Variants in MRPL48 observed in about 807,000 individuals in gnomAD.
MRPL48 encodes large ribosomal subunit protein mL48.
MRPL48 carries 16 observed loss-of-function variants against 32.9 expected under a neutral mutation model. That is an observed-to-expected ratio of 0.49 (90% confidence interval 0.33 to 0.74). The LOEUF is 0.74. Ranked by LOEUF, MRPL48 falls within the 30% of genes least tolerant of loss-of-function variation. The pLI is 0.02. For synonymous variants in MRPL48, 94 were observed against 89.2 expected (o/e 1.05, Z -0.31); for missense variants, 206 against 245.3 (o/e 0.84, Z 1.07).
At chr11:73,855,923 C>T (rs969556060) in intron 5 of MRPL48, among the ~76,000 whole-genome samples, 11 of 152,218 alleles carry the variant, frequency 7.2e-5, no homozygotes, top group African/African-American at 2.7e-4. Context: ...TCATAACATG[C>T]ACTTCTTGCT....
chr11:73,833,861 GATTA>G (rs1368610875), intron 4 of MRPL48, among the ~76,000 whole-genome samples: 6 of 151,864 alleles, frequency 4.0e-5, no homozygotes, highest in Non-Finnish European at 7.4e-5. Context: ...TTTTTAAATT[GATTA>G]ATTAATTTTT....
intron 4 of MRPL48, among the ~76,000 whole-genome samples, chr11:73,836,512 A>C (rs533233367): frequency 6.6e-5 from 10 of 152,234 alleles, no homozygotes; most frequent in African/African-American, 1.9e-4. Context: ...AATGCCACTT[A>C]TTATTATATA....
At chr11:73,805,337 C>T (rs564699490) in intron 2 of MRPL48, among the ~76,000 whole-genome samples, 1 of 151,120 alleles carries the variant, frequency 6.6e-6, no homozygotes, top group South Asian at 2.1e-4. Context: ...CACTCTGTCA[C>T]CCAGGCTGGA....
intron 2 of MRPL48, among the ~76,000 whole-genome samples, chr11:73,806,543 T>G (rs1191049187): frequency 6.6e-6 from 1 of 152,188 alleles, no homozygotes; most frequent in African/African-American, 2.4e-5. Context: ...ACCATCTGAC[T>G]CATTTTTTAT....
intron 4 of MRPL48, among the ~76,000 whole-genome samples, chr11:73,843,573 C>T (rs983343773): frequency 7.2e-5 from 11 of 152,102 alleles, no homozygotes; most frequent in Non-Finnish European, 1.2e-4. Flanking sequence ...TGTAGTGAAG[C>T]AATATTTTGT....
intron 1 of MRPL48, among the ~76,000 whole-genome samples, chr11:73,800,357 TTC>T (rs1027695396): frequency 2.0e-5 from 3 of 152,146 alleles, no homozygotes; most frequent in African/African-American, 7.2e-5. Context: ...CACAAATATA[TTC>T]TGTTACTTTC....
At chr11:73,861,754 T>C (rs1948589343) in intron 6 of MRPL48, among the ~76,000 whole-genome samples, 1 of 152,224 alleles carries the variant, frequency 6.6e-6, no homozygotes, top group South Asian at 2.1e-4. Context: ...ATCCTCCACA[T>C]TACTGTTGAA....
intron 4 of MRPL48, among the ~76,000 whole-genome samples, chr11:73,830,298 G>C (rs1947970304): frequency 6.6e-6 from 1 of 152,146 alleles, no homozygotes; most frequent in African/African-American, 2.4e-5. Context: ...AGATGACCTT[G>C]GTTGCTTGAA....
At chr11:73,827,709 G>A (rs985312493) in intron 4 of MRPL48, among the ~76,000 whole-genome samples, 6 of 152,016 alleles carry the variant, frequency 3.9e-5, no homozygotes, top group Non-Finnish European at 7.4e-5. Flanking sequence ...TCTTGGCAAG[G>A]TCCAATTCCA....
chr11:73,844,625 T>C (rs36004107), intron 4 of MRPL48, among the ~76,000 whole-genome samples, 182 bp from the exon 5 acceptor site: 8,370 of 152,254 alleles, frequency 0.055, 257 homozygotes, highest in Middle Eastern at 0.11. Context: ...TGTCACAGCC[T>C]AGAATGGCAA....
Position 73,850,814 on chromosome 11 carries a change from C to T in MRPL48, c.371+5838C>T, listed in dbSNP as rs1948375260. ...GCCTCAGCTTCCTGAGTAGCTGGGA[C>T]TACAGGCACCTGCCACAACGCCTGG... On this transcript the variant is annotated intron_variant, in intron 5 of 7. Transcript: ENST00000310614. The T allele has an allele frequency of 3.9e-5, 9 of 228,678 alleles. No individual in the cohort carries two copies. In the South Asian group the frequency reaches 5.1e-4, roughly 13 times the overall value. 14.2% of individuals were successfully genotyped at this position (228,678 alleles called of 1,614,324 possible). A position where few individuals can be genotyped will look rare whatever the true frequency, so the allele number is the denominator to read the frequency against.
At position 73,856,190 on chromosome 11, in the gene MRPL48, A is replaced by C. The variant is rs116330867; in HGVS notation, c.372-3717A>C. On this transcript the variant is annotated intron_variant, in intron 5 of 7. Transcript: ENST00000310614. ...CTCTTTGCTCCAAACAGCTCAGAGC[A>C]TAAAGAGCTGTTTGTTTTTAGCAAC... 6.5e-3 allele frequency among the ~76,000 whole-genome samples: 994 copies of C among 152,348 alleles called. 15 individuals are homozygous for C. The highest frequency in any genetic ancestry group is 0.023 in the African/African-American group (943 of 41,594).
At chr11:73,817,808 GT>G in intron 3 of MRPL48, 1 of 404,752 alleles carries the variant, frequency 2.5e-6, no homozygotes, top group Non-Finnish European at 4.9e-6. Flanking sequence ...TGTTGTTGTT[GT>G]TTTTGTTTTT....
chr11:73,847,482 C>A (rs1948315315), intron 5 of MRPL48, among the ~76,000 whole-genome samples: 1 of 151,738 alleles, frequency 6.6e-6, no homozygotes. Flanking sequence ...GCTCTGTCAC[C>A]CAGGCTGGAG....
chr11:73,790,473 C>T (rs1034991448), intron 1 of MRPL48, among the ~76,000 whole-genome samples: 1 of 148,780 alleles, frequency 6.7e-6, no homozygotes, highest in Non-Finnish European at 1.5e-5. Flanking sequence ...CAAGCTCCGC[C>T]TCCCGGGTTC....
In MRPL48 at chr11:73,825,755, C is replaced by T. The variant is rs761329345; in HGVS notation, c.160C>T (p.His54Tyr). The T allele has an allele frequency of 1.3e-6, 2 of 1,569,982 alleles. No individual in the cohort carries two copies. The highest frequency in any genetic ancestry group is 1.7e-4 in the Middle Eastern group (1 of 6,012). The change falls in exon 4 of 8, where the codon CAC becomes TAC. Residue 54 changes from histidine to tyrosine, a missense_variant. Transcript: ENST00000310614. The stretch of plus-strand genomic sequence containing the variant: ...TCGGCCCTACAAGACAAAGCCCACC[C>T]ACGGCATTGGAAAGTACAAGCACTT... ...ISRPYKTKPT[H>Y]GIGKYKHLIK...
chr11:73,857,507 TG>T (rs1948504257), intron 5 of MRPL48, among the ~76,000 whole-genome samples: 1 of 151,212 alleles, frequency 6.6e-6, no homozygotes, highest in African/African-American at 2.4e-5. Flanking sequence ...CTTGAACTCC[TG>T]GGCTTAAGCA....
chr11:73,800,918 T>A (rs1336819591), intron 1 of MRPL48, among the ~76,000 whole-genome samples: 1 of 151,762 alleles, frequency 6.6e-6, no homozygotes, highest in East Asian at 1.9e-4. Context: ...TTCAAGCCAT[T>A]CTCCTGCCTC....
chr11:73,863,218 T>C lies in MRPL48; in HGVS notation c.521T>C (p.Ile174Thr). Reference protein sequence around the residue: ...ATFAEIFLEIIQSSLPEGVRL... With the variant: ...ATFAEIFLEITQSSLPEGVRL... The stretch of plus-strand genomic sequence containing the variant: ...TTTGCAGAAATTTTCTTGGAAATAA[T>C]CCAAAGCAGTCTTCCTGAAGGAGTC... The change falls in exon 7 of 8, where the codon ATC becomes ACC. Residue 174 changes from isoleucine (I) to threonine (T), a missense_variant. Transcript: ENST00000310614. The C allele has an allele frequency of 6.3e-7, 1 of 1,578,596 alleles. No individual in the cohort carries two copies. Among genetic ancestry groups the C allele is most frequent in the Non-Finnish European group, 8.6e-7 (1 of 1,161,672 alleles).
Sources: allele counts gnomAD v4.1 joint callset (sites outside exome capture counted in the v4.1 genomes callset), GRCh38; gene constraint gnomAD v4.1.1; transcripts MANE v1.5; gene names NCBI Gene and HGNC (gene_info 2026-07-23, HGNC 2026-07-21).